NCKAP1L: variants seen among roughly 807,000 people sequenced by gnomAD.
NCKAP1L encodes the protein NCK associated protein 1 like, also known as nck-associated protein 1-like.
Under a neutral mutation model 139.2 loss-of-function variants are expected in NCKAP1L, and 53 were observed. The observed-to-expected ratio is 0.38, with a 90% CI of 0.31 to 0.48. The LOEUF is 0.48. Ranked by LOEUF, NCKAP1L falls within the 20% of genes least tolerant of loss-of-function variation. NCKAP1L has a pLI of 0.98. For synonymous variants in NCKAP1L, 468 were observed against 499.7 expected (o/e 0.94, Z 0.85); for missense variants, 1,151 against 1,381.9 (o/e 0.83, Z 2.65).
intron 3 of NCKAP1L, among the ~76,000 whole-genome samples, chr12:54,504,069 C>T (rs1447646048): frequency 6.6e-6 from 1 of 152,046 alleles, no homozygotes; most frequent in Non-Finnish European, 1.5e-5. Context: ...TGTATATTTA[C>T]ATAGGTAAAT....
intron 18 of NCKAP1L, 48 bp downstream of exon 18, chr12:54,521,286 T>G: frequency 1.9e-6 from 3 of 1,603,490 alleles, no homozygotes; most frequent in Non-Finnish European, 2.6e-6. Context: ...CAGCGCTCAG[T>G]GCCTTCCCCT....
chr12:54,502,408 A>G (rs1051932730), intron 3 of NCKAP1L, among the ~76,000 whole-genome samples: 1 of 152,210 alleles, frequency 6.6e-6, no homozygotes, highest in African/African-American at 2.4e-5. Flanking sequence ...AATATTTTAT[A>G]CAAACCTACT....
chr12:54,537,496 A>G (rs1957121467), intron 29 of NCKAP1L, among the ~76,000 whole-genome samples: 1 of 152,214 alleles, frequency 6.6e-6, no homozygotes, highest in Non-Finnish European at 1.5e-5. Context: ...TCTTTACACC[A>G]GACCTACTGA....
At chr12:54,510,542 A>G (rs1956879389) in intron 7 of NCKAP1L, 1 of 168,828 alleles carries the variant, frequency 5.9e-6, no homozygotes, top group Non-Finnish European at 1.3e-5. Flanking sequence ...ACAGAGTCTC[A>G]CTCTGTCGCC....
At chr12:54,504,969 TG>T (rs1344760548) in intron 3 of NCKAP1L, among the ~76,000 whole-genome samples, 1 of 152,232 alleles carries the variant, frequency 6.6e-6, no homozygotes, top group Non-Finnish European at 1.5e-5. Context: ...CACTGGAATT[TG>T]GGTGTAGGCT....
At chr12:54,531,638 T>A in intron 24 of NCKAP1L, 54 bp downstream of exon 24, 2 of 1,605,518 alleles carry the variant, frequency 1.2e-6, no homozygotes, top group Non-Finnish European at 8.5e-7. Flanking sequence ...ACATTGCAGA[T>A]GACAGGGTTT....
rs1956856892 is a variant in NCKAP1L, at chr12:54,508,005, G to C, written c.363+96G>C. 1.1e-5 allele frequency: 12 copies of C among 1,050,886 alleles called. No individual in the cohort carries two copies. In the South Asian group the frequency reaches 1.6e-4, roughly 14 times the overall value. The allele number at this position is 1,050,886 out of a possible 1,614,324, so 65.1% of individuals were successfully genotyped here. On this transcript the variant is annotated intron_variant, in intron 4 of 30. Coordinates refer to ENST00000293373, the MANE Select transcript of NCKAP1L (RefSeq NM_005337.5). ...GTCTACTCACAGGATGGGGTGGGAAGGGACTGGAAGGATGGCTATTTTGTT... is the reference window on the plus strand; with the variant it reads ...GTCTACTCACAGGATGGGGTGGGAACGGACTGGAAGGATGGCTATTTTGTT...
At chr12:54,509,096 G>A (rs114001877) in intron 5 of NCKAP1L, among the ~76,000 whole-genome samples, 1 of 152,140 alleles carries the variant, frequency 6.6e-6, no homozygotes, top group East Asian at 1.9e-4. Context: ...TCCATTAGAG[G>A]TAACTAATGC....
At chr12:54,533,249 T>A (rs182418513) in intron 26 of NCKAP1L, among the ~76,000 whole-genome samples, 3 of 152,292 alleles carry the variant, frequency 2.0e-5, no homozygotes, top group Admixed American at 6.5e-5. Context: ...TGATATCTCC[T>A]GGGTAGCTCC....
chr12:54,516,753 C>CT, intron 10 of NCKAP1L, 143 bp from the exon 11 acceptor site: 1 of 671,480 alleles, frequency 1.5e-6, no homozygotes, highest in Admixed American at 3.0e-5. Context: ...GCCCTTTTTT[C>CT]TTTTTTAAAC....
chr12:54,533,810 T>G (rs528487471), intron 26 of NCKAP1L, among the ~76,000 whole-genome samples: 1 of 152,246 alleles, frequency 6.6e-6, no homozygotes, highest in East Asian at 1.9e-4. Flanking sequence ...ACTCAAGTGA[T>G]CCGCCCACCT....
In NCKAP1L at chr12:54,536,132, C is replaced by T. The variant is rs753704557; in HGVS notation, c.2960C>T (p.Thr987Ile). ...TTTCCTTTTTCCCTCTCACCAGATA[C>T]TTCATCTCCTGAGGAGGAATATAAG... ...VAAIANLKAD[T>I]SSPEEEYKVA... The change falls in exon 28 of 31, where the codon ACT (threonine) becomes ATT (isoleucine). Residue 987 changes from threonine (T) to isoleucine (I), a missense_variant. Physicochemically the swap from Thr to Ile is moderately conservative, Grantham distance 89 (BLOSUM62 -1). Coordinates refer to ENST00000293373, the MANE Select transcript of NCKAP1L (RefSeq NM_005337.5). The T allele has an allele frequency of 1.2e-6, 2 of 1,609,086 alleles. No individual in the cohort carries two copies. The highest frequency in any genetic ancestry group is 1.7e-6 in the Non-Finnish European group (2 of 1,175,738).
intron 26 of NCKAP1L, 36 bp downstream of exon 26, chr12:54,532,286 A>G: frequency 6.4e-7 from 1 of 1,550,410 alleles, no homozygotes; most frequent in Non-Finnish European, 8.8e-7. Flanking sequence ...TAATTAGGAG[A>G]CTTTTGTTGT....
intron 9 of NCKAP1L, among the ~76,000 whole-genome samples, chr12:54,514,359 T>C (rs1956913788): frequency 6.6e-6 from 1 of 151,958 alleles, no homozygotes; most frequent in Non-Finnish European, 1.5e-5. Context: ...TTTGCCCTTG[T>C]TGCCCAGGCT....
At chr12:54,507,388 G>T (rs1005353522) in intron 3 of NCKAP1L, among the ~76,000 whole-genome samples, 1 of 152,158 alleles carries the variant, frequency 6.6e-6, no homozygotes, top group Non-Finnish European at 1.5e-5. Context: ...ATAGTGAATT[G>T]TCAGTAAATA....
At chr12:54,530,723 T>A (rs1565681492) in intron 22 of NCKAP1L, among the ~76,000 whole-genome samples, 1 of 152,242 alleles carries the variant, frequency 6.6e-6, no homozygotes, top group African/African-American at 2.4e-5. Context: ...AAAACCACGA[T>A]GATCCTTCCT....
chr12:54,536,141 C>A lies in NCKAP1L; in HGVS notation c.2969C>A (p.Pro990His), dbSNP rs1177703684. 1 of 1,612,032 alleles carries A rather than the reference C, an allele frequency of 6.2e-7. No individual in the cohort carries two copies. Among genetic ancestry groups the A allele is most frequent in the Non-Finnish European group, 8.5e-7 (1 of 1,178,484 alleles). The change falls in exon 28 of 31, where the codon CCT (proline) becomes CAT (histidine). Residue 990 changes from proline (P) to histidine (H), a missense_variant. By Grantham distance (77) the Pro-to-His change is moderately conservative. Transcript: ENST00000293373. ...IANLKADTSS[P>H]EEEYKVACLL... is the part of the protein sequence containing the mutation. ...TCCCTCTCACCAGATACTTCATCTC[C>A]TGAGGAGGAATATAAGGTGGCCTGC... is the stretch of plus-strand genomic sequence containing the variant.
Position 54,499,359 on chromosome 12 carries a change from G to T in NCKAP1L, c.107G>T (p.Cys36Phe), listed in dbSNP as rs749263836. The T allele has an allele frequency of 6.3e-7, 1 of 1,579,696 alleles. No homozygotes were observed. The highest frequency in any genetic ancestry group is 2.2e-5 in the East Asian group (1 of 44,676). ...LIRMYNIKKT[C>F]SDPKSKPPFL... ...ATATATGGTTTCTCTCTGCAGACTT[G>T]TTCAGACCCCAAATCTAAGCCACCT... Residue 36 changes from cysteine (C) to phenylalanine (F), a missense_variant, in exon 2 of 31, where the codon TGT becomes TTT. Physicochemically the swap from Cys to Phe is radical, Grantham distance 205. Transcript: ENST00000293373.
At chr12:54,498,927 A>ATT (rs1258366749) in intron 1 of NCKAP1L, 1 of 363,652 alleles carries the variant, frequency 2.7e-6, no homozygotes, top group Admixed American at 6.6e-5. Flanking sequence ...TTATTTATTT[A>ATT]TTTATTTATT....
Sources: allele counts gnomAD v4.1 joint callset (sites outside exome capture counted in the v4.1 genomes callset), GRCh38; gene constraint gnomAD v4.1.1; transcripts MANE v1.5; gene names NCBI Gene and HGNC (gene_info 2026-07-23, HGNC 2026-07-21).